The following NAALADL2 variants were observed in gnomAD, a reference collection of about 807,000 sequenced individuals.
NAALADL2 encodes N-acetylated alpha-linked acidic dipeptidase like 2.
A neutral mutation model predicts 87.2 loss-of-function variants in NAALADL2; 76 were observed. That is an observed-to-expected ratio of 0.87 (90% confidence interval 0.72 to 1.05). NAALADL2 has a LOEUF of 1.05. Among genes scored for constraint, NAALADL2 ranks in the 50% least tolerant of loss-of-function variants. NAALADL2 has a pLI of 0.00. For synonymous variants in NAALADL2, 354 were observed against 331.0 expected, an observed-to-expected ratio of 1.07 and a Z score of -0.75; for missense variants, 1,089 against 945.8, an observed-to-expected ratio of 1.15 and a Z score of -1.99.
intron 1 of NAALADL2, among the ~76,000 whole-genome samples, chr3:174,882,777 A>G (rs1344387857): frequency 3.9e-5 from 5 of 129,386 alleles, no homozygotes; most frequent in Non-Finnish European, 8.4e-5. Context: ...ACGTGTATAT[A>G]TACATATGTG....
intron 2 of NAALADL2, among the ~76,000 whole-genome samples, chr3:175,133,046 G>A (rs1230068268): frequency 3.3e-5 from 5 of 151,196 alleles, no homozygotes; most frequent in East Asian, 2.0e-4. Flanking sequence ...CATCCCAGAC[G>A]GGGCGGCGGG....
At chr3:175,221,829 GCGTGGCT>G (rs1743422382) in intron 2 of NAALADL2, among the ~76,000 whole-genome samples, 5 of 151,756 alleles carry the variant, frequency 3.3e-5, no homozygotes, top group Admixed American at 2.0e-4. Flanking sequence ...AGGCTGGAGT[GCGTGGCT>G]CGATCTTGGC....
intron 2 of NAALADL2, among the ~76,000 whole-genome samples, chr3:175,114,221 C>T (rs1413913900): frequency 1.3e-5 from 2 of 151,512 alleles, no homozygotes; most frequent in Non-Finnish European, 3.0e-5. Flanking sequence ...GACAAAATGC[C>T]CTCTGGAGAA....
At chr3:175,498,609 G>A (rs1247069634) in intron 9 of NAALADL2, among the ~76,000 whole-genome samples, 2 of 152,028 alleles carry the variant, frequency 1.3e-5, no homozygotes, top group East Asian at 3.9e-4. Flanking sequence ...ATTTTTATAG[G>A]TGATTTTGCT....
At chr3:174,455,334 T>C (rs1715763330) in intron 1 of NAALADL2, among the ~76,000 whole-genome samples, 1 of 152,078 alleles carries the variant, frequency 6.6e-6, no homozygotes, top group Admixed American at 6.6e-5. Flanking sequence ...CTACTGAGAC[T>C]CTTACAAAAA....
intron 12 of NAALADL2, among the ~76,000 whole-genome samples, chr3:175,747,988 T>A (rs1395902113): frequency 1.3e-5 from 2 of 152,106 alleles, no homozygotes; most frequent in Non-Finnish European, 2.9e-5. Flanking sequence ...GGATAATCTT[T>A]AGAATTTAGA....
intron 2 of NAALADL2, among the ~76,000 whole-genome samples, chr3:175,150,860 T>A (rs1184594189): frequency 2.0e-5 from 3 of 152,154 alleles, no homozygotes; most frequent in Non-Finnish European, 4.4e-5. Context: ...GAAATAGGCA[T>A]AATGCCTGCC....
intron 1 of NAALADL2, among the ~76,000 whole-genome samples, chr3:175,001,875 T>C (rs1317901382): frequency 2.0e-5 from 3 of 152,164 alleles, no homozygotes; most frequent in East Asian, 1.9e-4. Context: ...CCTGCCCTCA[T>C]GTATTATGTT....
chr3:174,827,783 C>T (rs956165147), intron 3 of NAALADL2, among the ~76,000 whole-genome samples: 3 of 152,160 alleles, frequency 2.0e-5, no homozygotes, highest in African/African-American at 7.2e-5. Context: ...TGGACATGAA[C>T]AAAGACCCTA....
chr3:175,621,132 A>C (rs372204663), intron 10 of NAALADL2, among the ~76,000 whole-genome samples: 3 of 152,328 alleles, frequency 2.0e-5, no homozygotes, highest in Admixed American at 6.5e-5. Context: ...TAAAACCGGC[A>C]GCTCGGTTTT....
At chr3:175,538,926 C>CA (rs1448008202) in intron 9 of NAALADL2, among the ~76,000 whole-genome samples, 1 of 152,072 alleles carries the variant, frequency 6.6e-6, no homozygotes, top group African/African-American at 2.4e-5. Context: ...AATCACAATA[C>CA]AAAAAGGCAA....
intron 2 of NAALADL2, among the ~76,000 whole-genome samples, chr3:175,198,344 A>C (rs1256990540): frequency 6.6e-6 from 1 of 152,034 alleles, no homozygotes; most frequent in Non-Finnish European, 1.5e-5. Context: ...CATTTTTTCT[A>C]TTCCTGTATA....
intron 1 of NAALADL2, among the ~76,000 whole-genome samples, chr3:174,456,447 C>A (rs1191611472): frequency 7.1e-6 from 1 of 141,074 alleles, no homozygotes; most frequent in Non-Finnish European, 1.5e-5. Flanking sequence ...CAGGAAGCAT[C>A]ACTCTACCTG....
chr3:174,960,496 T>G (rs997213060), intron 1 of NAALADL2, among the ~76,000 whole-genome samples: 14 of 152,126 alleles, frequency 9.2e-5, no homozygotes, highest in African/African-American at 3.4e-4. Flanking sequence ...AAGAAGCAAT[T>G]GAGATTTGAG....
At chr3:174,987,888 T>A (rs1253131906) in intron 1 of NAALADL2, among the ~76,000 whole-genome samples, 1 of 149,204 alleles carries the variant, frequency 6.7e-6, no homozygotes, top group Non-Finnish European at 1.5e-5. Flanking sequence ...CCCAGGCTTG[T>A]CTTGAACTCC....
chr3:174,580,335 T>C (rs560054068), intron 2 of NAALADL2, among the ~76,000 whole-genome samples: 1 of 152,164 alleles, frequency 6.6e-6, no homozygotes, highest in Admixed American at 6.5e-5. Flanking sequence ...ATTTTCAAAG[T>C]GAGAAACAAA....
chr3:175,148,126 A>AATAATAATAAT (rs1731047482), intron 2 of NAALADL2, among the ~76,000 whole-genome samples: 2 of 116,936 alleles, frequency 1.7e-5, no homozygotes, highest in Non-Finnish European at 3.7e-5. Context: ...ATAATAATAA[A>AATAATAATAAT]ATAATAATAA....
At chr3:174,975,617 T>G (rs1744260111) in intron 1 of NAALADL2, among the ~76,000 whole-genome samples, 1 of 152,120 alleles carries the variant, frequency 6.6e-6, no homozygotes, top group Non-Finnish European at 1.5e-5. Context: ...TGCCTTTTAT[T>G]AAATTATTGT....
intron 13 of NAALADL2, among the ~76,000 whole-genome samples, chr3:175,776,827 CTTTAT>C (rs1015350027): frequency 3.9e-5 from 6 of 151,952 alleles, no homozygotes; most frequent in African/African-American, 1.2e-4. Context: ...AGGTTATATT[CTTTAT>C]TTTTATATTT....
Sources: gnomAD v4.1 joint callset for allele counts (sites outside exome capture counted in the v4.1 genomes callset) on GRCh38, gnomAD v4.1.1 for gene constraint, MANE v1.5 for transcripts, NCBI Gene and HGNC (gene_info 2026-07-23, HGNC 2026-07-21) for gene names.